The following ZNF33B variants were observed in gnomAD, a reference collection of about 807,000 sequenced individuals.
The protein encoded by ZNF33B is zinc finger protein 33B, also known as zinc finger protein 11b (KOX 2).
ZNF33B carries 29 observed loss-of-function variants against 45.8 expected under a neutral mutation model. That is an observed-to-expected ratio of 0.63 (90% CI 0.47 to 0.86). The LOEUF (loss-of-function observed/expected upper bound fraction) is 0.86, where lower values mean the gene tolerates loss of function less well. ZNF33B is among the 40% of genes least tolerant of loss of function. The pLI is 0.00. For missense variants in ZNF33B, 831 were observed against 909.9 expected (o/e 0.91, Z 1.12); for synonymous variants, 305 against 307.8 (o/e 0.99, Z 0.10).
intron 1 of ZNF33B, among the ~76,000 whole-genome samples, chr10:42,637,972 G>A (rs1839404187): frequency 6.6e-6 from 1 of 152,174 alleles, no homozygotes; most frequent in Non-Finnish European, 1.5e-5. Flanking sequence ...AATTCTTGAA[G>A]ATCCTTCCTG....
In ZNF33B at chr10:42,593,660, T is replaced by G. The variant is rs745651157; in HGVS notation, c.1290A>C (p.Lys430Asn). 9 of 1,613,984 alleles carry G rather than the reference T, an allele frequency of 5.6e-6. No individual in the cohort carries two copies. The African/African-American group carries it at 1.1e-4, about 19-fold the overall frequency. ...TCTGCCCTGTGTGTGTTCTCTGATG[T>G]TTAGTGAGGTCAGATTTCTGGTAAA... is the stretch of plus-strand genomic sequence containing the variant. ...KTFYQKSDLT[K>N]HQRTHTGQKP... Residue 430 changes from lysine (K) to asparagine (N), a missense_variant, in exon 5 of 5, where the codon AAA (lysine) becomes AAC (asparagine). By Grantham distance (94) the Lys-to-Asn change is moderately conservative. Coordinates refer to ENST00000359467, the MANE Select transcript of ZNF33B (RefSeq NM_006955.3).
At chr10:42,574,583 A>G (rs974911341) in exon 2 of ZNF33B, 2 of 149,400 alleles carry the variant, frequency 1.3e-5, no homozygotes, top group South Asian at 2.1e-4. Context: ...CATATCTTCC[A>G]TATCTTCTCT....
chr10:42,607,344 CAA>C (rs1564510641), intron 4 of ZNF33B, among the ~76,000 whole-genome samples: 2 of 7,912 alleles, frequency 2.5e-4, no homozygotes, highest in Non-Finnish European at 5.9e-4. Flanking sequence ...TACACATAAA[CAA>C]ACATAGAGAG....
intron 4 of ZNF33B, among the ~76,000 whole-genome samples, chr10:42,629,840 C>T (rs2132156863): frequency 6.6e-6 from 1 of 152,242 alleles, no homozygotes; most frequent in South Asian, 2.1e-4. Flanking sequence ...ATAGTTTTCT[C>T]AGTAGTTGTT....
At chr10:42,618,554 T>C (rs1838431424) in intron 4 of ZNF33B, among the ~76,000 whole-genome samples, 2 of 152,346 alleles carry the variant, frequency 1.3e-5, no homozygotes, top group Middle Eastern at 3.4e-3. Context: ...CAAAAATGTA[T>C]GAATAATTCA....
At chr10:42,623,852 C>G (rs1838691896) in intron 4 of ZNF33B, among the ~76,000 whole-genome samples, 1 of 152,178 alleles carries the variant, frequency 6.6e-6, no homozygotes, top group Non-Finnish European at 1.5e-5. Context: ...ACACACAAAA[C>G]AATATATTGT....
At chr10:42,576,641 G>C (rs1836752727) in intron 1 of ZNF33B, among the ~76,000 whole-genome samples, 1 of 152,134 alleles carries the variant, frequency 6.6e-6, no homozygotes, top group Admixed American at 6.5e-5. Flanking sequence ...CCTGTAAAGT[G>C]TGAATTCTGA....
In ZNF33B at chr10:42,593,649, G is replaced by A. The variant is rs1375515571; in HGVS notation, c.1301C>T (p.Thr434Ile). ...QKSDLTKHQR[T>I]HTGQKPYECY... is the part of the protein sequence containing the mutation. ...TTCATAGGGTTTCTGCCCTGTGTGT[G>A]TTCTCTGATGTTTAGTGAGGTCAGA... Residue 434 changes from threonine (T) to isoleucine (I), a missense_variant, in exon 5 of 5, where the codon ACA (threonine) becomes ATA (isoleucine). Physicochemically the swap from Thr to Ile is moderately conservative, Grantham distance 89. Coordinates refer to ENST00000359467, the MANE Select transcript of ZNF33B (RefSeq NM_006955.3). 1.2e-6 allele frequency: 2 copies of A among 1,613,828 alleles called. No individual in the cohort carries two copies. Among genetic ancestry groups the A allele is most frequent in the East Asian group, 4.5e-5 (2 of 44,858 alleles).
At chr10:42,580,491 G>A (rs1836808006) in intron 1 of ZNF33B, among the ~76,000 whole-genome samples, 2 of 151,586 alleles carry the variant, frequency 1.3e-5, no homozygotes, top group Admixed American at 1.3e-4. Context: ...CCCCACCTTG[G>A]CCTCCCAAAG....
downstream of ZNF33B, among the ~76,000 whole-genome samples, chr10:42,587,482 T>G (rs1836958827): frequency 6.6e-6 from 1 of 152,142 alleles, no homozygotes; most frequent in Non-Finnish European, 1.5e-5. Flanking sequence ...GTGCTTGGCC[T>G]CCCAAAGTGC....
chr10:42,590,215 G>A lies in ZNF33B; in HGVS notation c.*2398C>T, dbSNP rs1412514335. 1.3e-5 allele frequency: 2 copies of A among 151,896 alleles called. No homozygotes were observed. Among genetic ancestry groups the A allele is most frequent in the Non-Finnish European group, 2.9e-5 (2 of 67,988 alleles). 9.4% of individuals were successfully genotyped at this position (151,896 alleles called of 1,614,324 possible). The stretch of plus-strand genomic sequence containing the variant: ...TCCTTTCTTGTAATGTTTTTGCCTG[G>A]CTTTGGTATTAGGGTAATCCTGGCC... On this transcript the variant is annotated 3_prime_UTR_variant, in exon 5 of 5. Coordinates refer to ENST00000359467, the MANE Select transcript of ZNF33B (RefSeq NM_006955.3).
chr10:42,629,167 A>G (rs1430412570), intron 4 of ZNF33B, among the ~76,000 whole-genome samples: 1 of 152,196 alleles, frequency 6.6e-6, no homozygotes, highest in Non-Finnish European at 1.5e-5. Context: ...AACAACCTAG[A>G]CAGAAATGGA....
In ZNF33B at chr10:42,594,390, G is replaced by A. The variant is rs1837303668; in HGVS notation, c.560C>T (p.Thr187Ile). 5 of 1,613,800 alleles carry A rather than the reference G, an allele frequency of 3.1e-6. No homozygotes were observed. The highest frequency in any genetic ancestry group is 4.2e-6 in the Non-Finnish European group (5 of 1,179,834). ...TTTCAAAACTTCATTTTTCTCTCGAGTATGAGTTTCATCATGCTTAATATT... is the reference window on the plus strand; with the variant it reads ...TTTCAAAACTTCATTTTTCTCTCGAATATGAGTTTCATCATGCTTAATATT... ...LLNIKHDETHTREKNEVLKNR... is the reference protein window; with the variant it reads ...LLNIKHDETHIREKNEVLKNR... Residue 187 changes from threonine to isoleucine, a missense_variant, in exon 5 of 5, where the codon ACT becomes ATT. Coordinates refer to ENST00000359467, the MANE Select transcript of ZNF33B (RefSeq NM_006955.3).
chr10:42,582,264 T>C (rs539174401), intron 1 of ZNF33B: 2 of 152,338 alleles, frequency 1.3e-5, no homozygotes, highest in East Asian at 1.9e-4. Context: ...CTGGAATGAA[T>C]GAACTCTGGG....
intron 4 of ZNF33B, among the ~76,000 whole-genome samples, chr10:42,626,952 T>C (rs1342992523): frequency 6.6e-6 from 1 of 152,090 alleles, no homozygotes; most frequent in African/African-American, 2.4e-5. Context: ...CTAATTGAGT[T>C]GTAATAGTTT....
Position 42,599,056 on chromosome 10 carries a change from G to A in ZNF33B, c.251-4357C>T, listed in dbSNP as rs1255694363. ...TTATCTATTTGTTTTGGAGCAAGCCGTAATAGCTGTTTATTTGAATGAAAC... is the reference window on the plus strand; with the variant it reads ...TTATCTATTTGTTTTGGAGCAAGCCATAATAGCTGTTTATTTGAATGAAAC... On this transcript the variant is annotated intron_variant, in intron 4 of 4. Transcript: ENST00000359467. Among the ~76,000 whole-genome samples, 7 of 152,144 alleles carry A rather than the reference G, an allele frequency of 4.6e-5. No homozygotes were observed. The East Asian group carries it at 5.8e-4, about 13-fold the overall frequency.
intron 4 of ZNF33B, among the ~76,000 whole-genome samples, chr10:42,620,557 A>G (rs1449043685): frequency 1.3e-5 from 2 of 148,550 alleles, no homozygotes; most frequent in East Asian, 3.9e-4. Flanking sequence ...GCACACCACC[A>G]CACCCAACTA....
chr10:42,618,363 C>T (rs1298756298), intron 4 of ZNF33B, among the ~76,000 whole-genome samples: 3 of 152,140 alleles, frequency 2.0e-5, no homozygotes, highest in Non-Finnish European at 2.9e-5. Flanking sequence ...CTGGATTATT[C>T]GGGTTTGGGC....
chr10:42,635,465 AATTC>A (rs1311625320), intron 2 of ZNF33B, among the ~76,000 whole-genome samples: 2 of 152,076 alleles, frequency 1.3e-5, no homozygotes, highest in African/African-American at 4.8e-5. Context: ...GATTTGTAAT[AATTC>A]ATTAAGTTCT....
Sources: gnomAD v4.1 joint callset for allele counts (sites outside exome capture counted in the v4.1 genomes callset) on GRCh38, gnomAD v4.1.1 for gene constraint, MANE v1.5 for transcripts, NCBI Gene and HGNC (gene_info 2026-07-23, HGNC 2026-07-21) for gene names.